The following SLC14A2 variants were observed in gnomAD, a reference collection of about 807,000 sequenced individuals.
SLC14A2 encodes the protein solute carrier family 14 member 2, also known as urea transporter 2.
Under a neutral mutation model 104.6 loss-of-function variants are expected in SLC14A2, and 91 were observed. The ratio of observed to expected loss-of-function variants is 0.87; its 90% CI spans 0.73 to 1.04. The LOEUF is 1.04. SLC14A2 is among the 50% of genes least tolerant of loss of function. The pLI is 0.00. For missense variants in SLC14A2, 1,189 were observed against 1,156.0 expected (o/e 1.03, Z -0.41); for synonymous variants, 476 against 466.4 (o/e 1.02, Z -0.27).
At chr18:45,231,690 A>G (rs1170853969) in intron 1 of SLC14A2, among the ~76,000 whole-genome samples, 1 of 152,208 alleles carries the variant, frequency 6.6e-6, no homozygotes, top group Non-Finnish European at 1.5e-5. Flanking sequence ...CCATATGCAA[A>G]TGGCATGATC....
At chr18:45,300,284 A>G (rs2084955719) in intron 1 of SLC14A2, among the ~76,000 whole-genome samples, 1 of 152,166 alleles carries the variant, frequency 6.6e-6, no homozygotes, top group African/African-American at 2.4e-5. Flanking sequence ...CTAATGAGTT[A>G]GGGACTGCTG....
intron 1 of SLC14A2, among the ~76,000 whole-genome samples, chr18:45,354,700 A>T (rs1416102584): frequency 6.6e-6 from 1 of 152,252 alleles, no homozygotes; most frequent in East Asian, 1.9e-4. Context: ...GGAAATGGCC[A>T]GATGAGGAAA....
intron 1 of SLC14A2, among the ~76,000 whole-genome samples, chr18:45,242,441 G>T (rs1343950738): frequency 6.6e-6 from 1 of 152,190 alleles, no homozygotes; most frequent in East Asian, 1.9e-4. Flanking sequence ...ATTGCTCCAT[G>T]TTGCAAATTG....
chr18:45,483,945 A>G (rs1344030296), intron 2 of SLC14A2, among the ~76,000 whole-genome samples: 1 of 147,956 alleles, frequency 6.8e-6, no homozygotes, highest in Non-Finnish European at 1.5e-5. Flanking sequence ...AATAGCCTCA[A>G]AGATGGCAGA....
At chr18:45,479,127 T>C (rs555538411) in intron 1 of SLC14A2, among the ~76,000 whole-genome samples, 3 of 152,328 alleles carry the variant, frequency 2.0e-5, no homozygotes, top group Non-Finnish European at 4.4e-5. Context: ...GAGGTTTGCA[T>C]TTCTGTTTCT....
intron 1 of SLC14A2, among the ~76,000 whole-genome samples, chr18:45,219,825 G>A (rs923200027): frequency 2.0e-5 from 3 of 152,102 alleles, no homozygotes; most frequent in African/African-American, 7.2e-5. Flanking sequence ...AGGAAGGGGA[G>A]AATCCCTGCA....
chr18:45,527,053 AG>A (rs2043602271), intron 2 of SLC14A2, among the ~76,000 whole-genome samples: 1 of 152,226 alleles, frequency 6.6e-6, no homozygotes, highest in African/African-American at 2.4e-5. Flanking sequence ...AGACCAGAAA[AG>A]TAAGGCCCAG....
chr18:45,602,437 T>C (rs2044804221), intron 2 of SLC14A2, among the ~76,000 whole-genome samples: 1 of 152,140 alleles, frequency 6.6e-6, no homozygotes, highest in Non-Finnish European at 1.5e-5. Context: ...GGAGCAAAGA[T>C]TACAGAAAAC....
rs1477828575 is a variant in SLC14A2 at position 45,683,532 on chromosome 18, G to A, written c.*1013G>A. 1 of 152,198 alleles carries A rather than the reference G, an allele frequency of 6.6e-6. No individual in the cohort carries two copies. The highest frequency in any genetic ancestry group is 2.4e-5 in the African/African-American group (1 of 41,454). 9.4% of individuals were successfully genotyped at this position (152,198 alleles called of 1,614,324 possible). On this transcript the variant is annotated 3_prime_UTR_variant, in exon 20 of 20. Transcript: ENST00000255226. ...GTGGGGTTAGGAACCTAAATTCACT[G>A]AAAATGCCAATGTGCTTTCCTTTAC...
At chr18:45,677,609 A>T (rs2046247974) in intron 18 of SLC14A2, among the ~76,000 whole-genome samples, 1 of 152,240 alleles carries the variant, frequency 6.6e-6, no homozygotes, top group African/African-American at 2.4e-5. Context: ...ATGCTGACAC[A>T]TAGGGAATGT....
chr18:45,620,298 C>T (rs2045144113), intron 1 of SLC14A2, among the ~76,000 whole-genome samples: 1 of 152,242 alleles, frequency 6.6e-6, no homozygotes, highest in Non-Finnish European at 1.5e-5. Context: ...CAGTGGGGAA[C>T]TGGGTCTAAC....
In SLC14A2 at chr18:45,264,632, G is replaced by C. The variant is rs538566611; in HGVS notation, c.-125+51441G>C. Among the ~76,000 whole-genome samples, 4 of 152,250 alleles carry C rather than the reference G, an allele frequency of 2.6e-5. No individual in the cohort carries two copies. In the South Asian group the frequency reaches 8.3e-4, roughly 32 times the overall value. ...AAAATCATGTCTTTCGTGGGGACAG[G>C]CCTGGGAGAATGAGAGACAACCGGA... On this transcript the variant is annotated intron_variant, in intron 1 of 20. Coordinates refer to the SLC14A2 transcript ENST00000586448.
At chr18:45,195,912 CA>C in the SLC14A2 span, among the ~76,000 whole-genome samples, 3 of 151,858 alleles carry the variant, frequency 2.0e-5, no homozygotes, top group African/African-American at 7.3e-5. Flanking sequence ...TTTAATTGAG[CA>C]AAGAAAAATT....
intron 1 of SLC14A2, among the ~76,000 whole-genome samples, chr18:45,359,140 T>G (rs1252440538): frequency 6.6e-6 from 1 of 152,226 alleles, no homozygotes; most frequent in African/African-American, 2.4e-5. Flanking sequence ...TTAAAGGTGA[T>G]GCTGACTCAT....
intron 1 of SLC14A2, among the ~76,000 whole-genome samples, chr18:45,273,662 G>A (rs1262736579): frequency 6.6e-6 from 1 of 152,116 alleles, no homozygotes; most frequent in Non-Finnish European, 1.5e-5. Flanking sequence ...TGCAAATGAA[G>A]TCCAATAGTC....
intron 1 of SLC14A2, among the ~76,000 whole-genome samples, chr18:45,331,488 G>A (rs1369626623): frequency 2.0e-5 from 3 of 151,782 alleles, no homozygotes; most frequent in Non-Finnish European, 2.9e-5. Flanking sequence ...TCAGGAGATC[G>A]AGACCATCCT....
At chr18:45,194,382 T>C in the SLC14A2 span, among the ~76,000 whole-genome samples, 4 of 152,322 alleles carry the variant, frequency 2.6e-5, no homozygotes, top group African/African-American at 7.2e-5. Flanking sequence ...ATTCCTAATT[T>C]ATGACAGTTA....
chr18:45,290,105 T>TA (rs11357444), intron 1 of SLC14A2, among the ~76,000 whole-genome samples: 27 of 151,970 alleles, frequency 1.8e-4, no homozygotes, highest in South Asian at 6.2e-4. Context: ...AGTTCTTTTG[T>TA]AAAAAAAACG....
At chr18:45,615,916 G>T (rs2045063002) in intron 1 of SLC14A2, among the ~76,000 whole-genome samples, 1 of 151,942 alleles carries the variant, frequency 6.6e-6, no homozygotes, top group Non-Finnish European at 1.5e-5. Flanking sequence ...CAGAGCAGAG[G>T]TCACCATGCT....
Sources: gnomAD v4.1 joint callset for allele counts (sites outside exome capture counted in the v4.1 genomes callset) on GRCh38, gnomAD v4.1.1 for gene constraint, MANE v1.5 for transcripts, NCBI Gene and HGNC (gene_info 2026-07-23, HGNC 2026-07-21) for gene names.